CRYBB3: variants seen among roughly 807,000 people sequenced by gnomAD.
CRYBB3 encodes crystallin beta B3.
A neutral mutation model predicts 28.3 loss-of-function variants in CRYBB3; 35 were observed. The ratio of observed to expected loss-of-function variants is 1.24; its 90% CI spans 0.95 to 1.64. CRYBB3 has a LOEUF of 1.64. Among genes scored for constraint, CRYBB3 ranks in the 40% most tolerant of loss-of-function variants. The probability of loss-of-function intolerance (pLI) is 0.00; values close to 1 mark genes in which losing one functional copy is unlikely to be tolerated. For missense variants in CRYBB3, 296 were observed against 297.4 expected, an observed-to-expected ratio of 1.00 and a Z score of 0.04; for synonymous variants, 106 against 110.4, an observed-to-expected ratio of 0.96 and a Z score of 0.25.
intron 1 of CRYBB3, among the ~76,000 whole-genome samples, 173 bp downstream of exon 1, chr22:25,200,082 G>A (rs1328513253): frequency 3.9e-5 from 6 of 152,162 alleles, no homozygotes; most frequent in South Asian, 2.1e-4. Flanking sequence ...GGGGTGGAAC[G>A]AGGGACCCTT....
In CRYBB3 at chr22:25,202,694, G is replaced by T. The variant is rs142996620; in HGVS notation, c.96G>T (p.Glu32Asp). 295 of 1,614,052 alleles carry T rather than the reference G, an allele frequency of 1.8e-4. 1 individual carries two copies. In the African/African-American group the frequency reaches 3.5e-3, roughly 19 times the overall value. The change falls in exon 3 of 6, where the codon GAG (glutamate) becomes GAT (aspartate). Residue 32 changes from glutamate (E) to aspartate (D), a missense_variant. Coordinates refer to ENST00000215855, the MANE Select transcript of CRYBB3 (RefSeq NM_004076.5). ...GSYKVILYEL[E>D]NFQGKRCELS... ...TCTAGGTGATCTTGTACGAACTAGA[G>T]AACTTCCAAGGCAAACGCTGCGAGC...
intron 2 of CRYBB3, among the ~76,000 whole-genome samples, chr22:25,202,196 A>G (rs1934958578): frequency 6.6e-6 from 1 of 152,136 alleles, no homozygotes; most frequent in Non-Finnish European, 1.5e-5. Context: ...TGGGTGAGAG[A>G]GGCAAAACCT....
intron 4 of CRYBB3, 58 bp downstream of exon 4, chr22:25,203,953 T>G: frequency 6.2e-7 from 1 of 1,610,068 alleles, no homozygotes. Flanking sequence ...CACTGAGAGC[T>G]GGTCAGGCAG....
intron 4 of CRYBB3, 101 bp downstream of exon 4, chr22:25,203,996 C>A: frequency 6.9e-7 from 1 of 1,453,252 alleles, no homozygotes; most frequent in Admixed American, 1.7e-5. Context: ...GGGTTTGGCC[C>A]ATATGGACCT....
rs1601409776 is a variant in CRYBB3 at position 25,207,083 on chromosome 22, C to G, written c.507C>G (p.Arg169=). Residue 169 remains arginine, a synonymous_variant, in exon 6 of 6, where the codon CGC becomes CGG. Coordinates refer to ENST00000215855, the MANE Select transcript of CRYBB3 (RefSeq NM_004076.5). ...ATGAGTTCCCCGGCTACCGTGGGCG[C>G]CAGTACGTGTTTGAGCGGGGCGAGT... is the stretch of plus-strand genomic sequence containing the variant. The part of the protein sequence containing the change: ...VGYEFPGYRG[R]QYVFERGEYR... 2 of 1,613,696 alleles carry G rather than the reference C, an allele frequency of 1.2e-6. No homozygotes were observed. The highest frequency in any genetic ancestry group is 2.2e-5 in the East Asian group (1 of 44,872).
In CRYBB3 at chr22:25,203,951, G is replaced by A. The variant is rs1221549705; in HGVS notation, c.327+56G>A. 5 of 1,610,686 alleles carry A rather than the reference G, an allele frequency of 3.1e-6. No homozygotes were observed. In the African/African-American group the frequency reaches 6.7e-5, roughly 22 times the overall value. ...TTCCTGGAAGCAGGGTGCACTGAGA[G>A]CTGGTCAGGCAGCTCATTGCACAAG... is the stretch of plus-strand genomic sequence containing the variant. On this transcript the variant is annotated intron_variant, in intron 4 of 5. Transcript: ENST00000215855.
rs183587921 is a variant in CRYBB3 at position 25,203,792 on chromosome 22, G to T, written c.224G>T (p.Arg75Leu). The T allele has an allele frequency of 7.2e-5, 116 of 1,614,186 alleles. No individual in the cohort carries two copies. The Middle Eastern group carries it at 2.0e-3, about 28-fold the overall frequency. Residue 75 changes from arginine (R) to leucine (L), a missense_variant, in exon 4 of 6, where the codon CGC becomes CTC. Physicochemically the swap from Arg to Leu is moderately radical, Grantham distance 102. Transcript: ENST00000215855. ...PWLAFESRAF[R>L]GEQFVLEKGD... ...CTGGCATTTGAGTCCAGGGCCTTCC[G>T]CGGGGAGCAGTTTGTTCTGGAGAAG...
chr22:25,205,205 C>T lies in CRYBB3; in HGVS notation c.328-15C>T, dbSNP rs751875383. The T allele has an allele frequency of 3.3e-5, 53 of 1,613,440 alleles. No individual in the cohort carries two copies. Among genetic ancestry groups the T allele is most frequent in the South Asian group, 7.7e-5 (7 of 91,060 alleles). On this transcript the variant is annotated splice_polypyrimidine_tract_variant and intron_variant, in intron 4 of 5. Coordinates refer to ENST00000215855, the MANE Select transcript of CRYBB3 (RefSeq NM_004076.5). ...GATATGGGAGCAGCCGCTCACCCCA[C>T]GATATTGCCCTCAGGATAGTCCACA...
intron 5 of CRYBB3, among the ~76,000 whole-genome samples, chr22:25,205,776 C>A (rs1364639374): frequency 6.6e-6 from 1 of 152,106 alleles, no homozygotes; most frequent in African/African-American, 2.4e-5. Context: ...CCTATAGTTT[C>A]TTGCATGATT....
At chr22:25,202,943 A>G in intron 3 of CRYBB3, 151 bp downstream of exon 3, 1 of 1,485,332 alleles carries the variant, frequency 6.7e-7, no homozygotes, top group East Asian at 2.5e-5. Flanking sequence ...ATGAGAGTTG[A>G]AGAATTCTCT....
Position 25,207,175 on chromosome 22 carries a change from A to G in CRYBB3, c.599A>G (p.Gln200Arg). 4.3e-6 allele frequency: 7 copies of G among 1,613,764 alleles called. No homozygotes were observed. Among genetic ancestry groups the G allele is most frequent in the Non-Finnish European group, 5.9e-6 (7 of 1,179,990 alleles). The change falls in exon 6 of 6, where the codon CAG (glutamine) becomes CGG (arginine). Residue 200 changes from glutamine (Q) to arginine (R), a missense_variant. Coordinates refer to ENST00000215855, the MANE Select transcript of CRYBB3 (RefSeq NM_004076.5). Reference sequence around the variant, plus strand: ...CAGTCTGTGCGCCGCATCCGTGACCAGAAGTGGCACAAGCGGGGCCGCTTC... The same window carrying G: ...CAGTCTGTGCGCCGCATCCGTGACCGGAAGTGGCACAAGCGGGGCCGCTTC... The part of the protein sequence containing the change: ...QLQSVRRIRD[Q>R]KWHKRGRFPS...
chr22:25,203,977 C>A, intron 4 of CRYBB3, 82 bp downstream of exon 4: 2 of 1,577,868 alleles, frequency 1.3e-6, no homozygotes, highest in Non-Finnish European at 1.7e-6. Flanking sequence ...ATTGCACAAG[C>A]TGGGCTGAGG....
chr22:25,206,272 T>G (rs184797488), intron 5 of CRYBB3, among the ~76,000 whole-genome samples: 14 of 152,138 alleles, frequency 9.2e-5, no homozygotes, highest in Admixed American at 3.9e-4. Context: ...TTGCGTAGTC[T>G]GGGGCTCACG....
intron 1 of CRYBB3, 73 bp from the exon 2 acceptor site, chr22:25,201,304 C>A: frequency 6.3e-7 from 1 of 1,595,624 alleles, no homozygotes; most frequent in Non-Finnish European, 8.6e-7. Flanking sequence ...TGTAGCTCAT[C>A]CTGGACTCCA....
chr22:25,200,022 G>A (rs558058216), intron 1 of CRYBB3, 113 bp downstream of exon 1: 17 of 152,302 alleles, frequency 1.1e-4, no homozygotes, highest in Admixed American at 8.5e-4. Context: ...GAAAAACAGC[G>A]CCTCCCTTAA....
chr22:25,202,134 T>G (rs739314), intron 2 of CRYBB3, among the ~76,000 whole-genome samples: 56,493 of 151,940 alleles, frequency 0.37, 10,918 homozygotes, highest in East Asian at 0.59. Context: ...GTAAAATGAC[T>G]AGAACAGATG....
intron 5 of CRYBB3, among the ~76,000 whole-genome samples, chr22:25,206,802 A>G (rs1461711148): frequency 6.6e-6 from 1 of 152,144 alleles, no homozygotes; most frequent in Non-Finnish European, 1.5e-5. Flanking sequence ...GCCCCCCAAC[A>G]CAGCAGGTTC....
At chr22:25,201,272 C>A in intron 1 of CRYBB3, 105 bp from the exon 2 acceptor site, 1 of 1,572,248 alleles carries the variant, frequency 6.4e-7, no homozygotes, top group East Asian at 2.4e-5. Flanking sequence ...GTTACAGCCA[C>A]GCCCCATGGG....
At chr22:25,206,223 GAAC>G (rs1339561589) in intron 5 of CRYBB3, among the ~76,000 whole-genome samples, 1 of 137,012 alleles carries the variant, frequency 7.3e-6, no homozygotes, top group African/African-American at 2.9e-5. Flanking sequence ...CTGATACAGA[GAAC>G]AACAAGAATG....
Sources: allele counts gnomAD v4.1 joint callset (sites outside exome capture counted in the v4.1 genomes callset), GRCh38; gene constraint gnomAD v4.1.1; transcripts MANE v1.5; gene names NCBI Gene and HGNC (gene_info 2026-07-23, HGNC 2026-07-21).